The following CCDC180 variants were observed in gnomAD, a reference collection of about 807,000 sequenced individuals.
The protein encoded by CCDC180 is coiled-coil domain containing 180, also known as coiled-coil domain-containing protein 180.
Under a neutral mutation model 209.2 loss-of-function variants are expected in CCDC180, and 154 were observed. The observed-to-expected ratio is 0.74, with a 90% confidence interval of 0.65 to 0.84. The LOEUF (loss-of-function observed/expected upper bound fraction) is 0.84, where lower values mean the gene tolerates loss of function less well. CCDC180 is among the 40% of genes least tolerant of loss of function. The pLI, the probability that CCDC180 is intolerant of heterozygous loss-of-function variation, is 0.00. For missense variants in CCDC180, 1,874 were observed against 1,997.3 expected, an observed-to-expected ratio of 0.94 and a Z score of 1.18; for synonymous variants, 778 against 749.1, an observed-to-expected ratio of 1.04 and a Z score of -0.63.
chr9:97,321,041 G>A (rs1329591022), intron 11 of CCDC180, among the ~76,000 whole-genome samples: 1 of 152,184 alleles, frequency 6.6e-6, no homozygotes, highest in Non-Finnish European at 1.5e-5. Context: ...GGGCAACGGT[G>A]ACAAGCTGCA....
intron 26 of CCDC180, among the ~76,000 whole-genome samples, chr9:97,360,431 C>T (rs546590855): frequency 6.6e-6 from 1 of 152,228 alleles, no homozygotes; most frequent in Admixed American, 6.5e-5. Flanking sequence ...CACCTGCACC[C>T]AGGGGCAGCC....
At chr9:97,316,507 C>T (rs781050467) in intron 8 of CCDC180, among the ~76,000 whole-genome samples, 8 of 152,202 alleles carry the variant, frequency 5.3e-5, no homozygotes, top group Non-Finnish European at 1.0e-4. Context: ...AAGTTACTCT[C>T]ATCTAAGCAG....
chr9:97,341,981 C>G (rs1482336801), intron 18 of CCDC180, among the ~76,000 whole-genome samples: 1 of 152,244 alleles, frequency 6.6e-6, no homozygotes. Flanking sequence ...CCTGCTGAGC[C>G]AGGTGCAGGA....
At chr9:97,370,572 C>T (rs1196915116) in intron 32 of CCDC180, 69 bp from the exon 33 acceptor site, 5 of 1,554,900 alleles carry the variant, frequency 3.2e-6, no homozygotes, top group Non-Finnish European at 2.6e-6. Flanking sequence ...TCATAATTGA[C>T]AGAAGACACA....
At position 97,366,219 on chromosome 9, in the gene CCDC180, C is replaced by T. The variant is rs1354509611; in HGVS notation, c.4048-340C>T. On this transcript the variant is annotated intron_variant, in intron 30 of 36. Transcript: ENST00000529487. This position sits in a 1 kb window ranked among gnomAD's most constrained non-coding sequence, Gnocchi z 4.3. ...GTCCCTGGCTCGCCCGTCTTTGTGGCCTGCAGCCTATACCCAGCTTGGCAC... is the reference window on the plus strand; with the variant it reads ...GTCCCTGGCTCGCCCGTCTTTGTGGTCTGCAGCCTATACCCAGCTTGGCAC... Among the ~76,000 whole-genome samples the T allele has an allele frequency of 6.6e-6, 1 of 152,248 alleles. No homozygotes were observed. Among genetic ancestry groups the T allele is most frequent in the Non-Finnish European group, 1.5e-5 (1 of 68,040 alleles).
rs766164695 is a variant in CCDC180 at position 97,314,535 on chromosome 9, C to T, written c.588+14C>T. On this transcript the variant is annotated intron_variant, in intron 6 of 36. Coordinates refer to ENST00000529487, the MANE Select transcript of CCDC180 (RefSeq NM_020893.6). The stretch of plus-strand genomic sequence containing the variant: ...TACACCATCCAAGTAGGGGTCCCTT[C>T]GTGGCTGGGCCTGCCCCACCCAGGT... The T allele has an allele frequency of 1.5e-5, 24 of 1,613,896 alleles. No homozygotes were observed. Among genetic ancestry groups the T allele is most frequent in the African/African-American group, 5.3e-5 (4 of 74,936 alleles).
At chr9:97,349,435 G>T in intron 21 of CCDC180, 144 bp downstream of exon 21, 1 of 725,698 alleles carries the variant, frequency 1.4e-6, no homozygotes, top group Non-Finnish European at 2.2e-6. Flanking sequence ...CTCTTCAAGA[G>T]AGTCAAGTCA....
chr9:97,327,994 T>C (rs982301497), intron 15 of CCDC180, 26 bp from the exon 16 acceptor site: 3 of 1,606,212 alleles, frequency 1.9e-6, no homozygotes, highest in Non-Finnish European at 2.6e-6. Flanking sequence ...AGCTGGGGTC[T>C]CCTGTCTTAC....
intron 19 of CCDC180, among the ~76,000 whole-genome samples, chr9:97,347,102 A>G (rs1273734376): frequency 6.6e-6 from 1 of 152,244 alleles, no homozygotes; most frequent in African/African-American, 2.4e-5. Context: ...TCATTTATCC[A>G]AAGAAACAAT....
intron 32 of CCDC180, 148 bp from the exon 33 acceptor site, chr9:97,370,493 C>T (rs191821046): frequency 5.7e-6 from 5 of 873,684 alleles, no homozygotes; most frequent in Non-Finnish European, 9.0e-6. Context: ...CCTCTTAACC[C>T]CTCTGCCACT....
chr9:97,363,969 C>A, intron 28 of CCDC180, 82 bp from the exon 29 acceptor site: 1 of 1,403,054 alleles, frequency 7.1e-7, no homozygotes, highest in Non-Finnish European at 1.0e-6. Context: ...CCTCCAGAAA[C>A]CCAGGCAGGG....
chr9:97,353,844 A>T (rs952374160), intron 22 of CCDC180, among the ~76,000 whole-genome samples: 1 of 152,114 alleles, frequency 6.6e-6, no homozygotes, highest in African/African-American at 2.4e-5. Context: ...CAGTCTTACA[A>T]TGCAAATGTT....
chr9:97,365,377 G>A (rs1826888112), intron 29 of CCDC180: 1 of 310,962 alleles, frequency 3.2e-6, no homozygotes, highest in Non-Finnish European at 6.1e-6. Context: ...CACCTGATTA[G>A]CATGTCATAA....
chr9:97,324,842 C>T (rs113516183), intron 13 of CCDC180, among the ~76,000 whole-genome samples, 177 bp from the exon 14 acceptor site: 18 of 152,270 alleles, frequency 1.2e-4, no homozygotes, highest in East Asian at 1.2e-3. Context: ...AGACCTGAAA[C>T]GCTGCCCTAG....
At chr9:97,343,221 C>T (rs552059439) in intron 18 of CCDC180, 119 bp from the exon 19 acceptor site, 13 of 596,488 alleles carry the variant, frequency 2.2e-5, no homozygotes, top group African/African-American at 9.4e-5. Flanking sequence ...AGGCAAGATT[C>T]GGCCCATAAT....
chr9:97,351,971 G>T (rs2118827253), intron 22 of CCDC180, among the ~76,000 whole-genome samples: 1 of 152,208 alleles, frequency 6.6e-6, no homozygotes, highest in African/African-American at 2.4e-5. Flanking sequence ...AAATTAGCTG[G>T]GCATGGTGGC....
chr9:97,358,787 C>T (rs1826665343), intron 25 of CCDC180, among the ~76,000 whole-genome samples: 2 of 152,244 alleles, frequency 1.3e-5, no homozygotes, highest in Admixed American at 6.5e-5. Context: ...AACCAGACAC[C>T]CCAGCCTGAA....
rs149399085 is a variant in CCDC180 at position 97,330,533 on chromosome 9, T to G, written c.2040T>G (p.Ala680=). ...AGCAGAAAAAATCTCCACTGCATGC[T>G]AAGATGGATGAGTCCAAAGAAGGCT... ...LGQQKKSPLH[A]KMDESKEGSI... is the part of the protein sequence containing the mutation. The change falls in exon 18 of 37, where the codon GCT becomes GCG. Residue 680 remains alanine (A), a synonymous_variant. Coordinates refer to ENST00000529487, the MANE Select transcript of CCDC180 (RefSeq NM_020893.6). 11 of 1,614,052 alleles carry G rather than the reference T, an allele frequency of 6.8e-6. No individual in the cohort carries two copies. In the East Asian group the frequency reaches 2.5e-4, roughly 36 times the overall value.
intron 18 of CCDC180, among the ~76,000 whole-genome samples, chr9:97,336,821 T>C (rs1183087049): frequency 6.6e-6 from 1 of 152,238 alleles, no homozygotes; most frequent in Non-Finnish European, 1.5e-5. Context: ...CATTTGTTTG[T>C]GTCCTCTTTT....
Sources: gnomAD v4.1 joint callset for allele counts (sites outside exome capture counted in the v4.1 genomes callset) on GRCh38, gnomAD v4.1.1 for gene constraint, Gnocchi (gnomAD v3.1) non-coding constraint, MANE v1.5 for transcripts, NCBI Gene and HGNC (gene_info 2026-07-23, HGNC 2026-07-21) for gene names.